The following ARHGAP31 variants were observed in gnomAD, a reference collection of about 807,000 sequenced individuals.
ARHGAP31 encodes the protein rho GTPase-activating protein 31.
A neutral mutation model predicts 113.9 loss-of-function variants in ARHGAP31; 34 were observed. The ratio of observed to expected loss-of-function variants is 0.30; its 90% CI spans 0.23 to 0.40. ARHGAP31 has a LOEUF of 0.40. Among genes scored for constraint, ARHGAP31 ranks in the 10% least tolerant of loss-of-function variants. The pLI, the probability that ARHGAP31 is intolerant of heterozygous loss-of-function variation, is 1.00. For missense variants in ARHGAP31, 1,548 were observed against 1,767.1 expected, an observed-to-expected ratio of 0.88 and a Z score of 2.22; for synonymous variants, 650 against 684.8, an observed-to-expected ratio of 0.95 and a Z score of 0.79.
At position 119,416,165 on chromosome 3, in the gene ARHGAP31, T is replaced by C; in HGVS notation, c.4236T>C (p.Pro1412=). 8 of 1,614,158 alleles carry C rather than the reference T, an allele frequency of 5.0e-6. No individual in the cohort carries two copies. The highest frequency in any genetic ancestry group is 1.3e-5 in the African/African-American group (1 of 75,040). ...GVTLRNKMTI[P]KNGQRLETST... ...CACTTAGGAATAAAATGACCATCCC[T>C]AAGAATGGCCAGAGACTAGAGACCT... The change falls in exon 12 of 12, where the codon CCT becomes CCC. Residue 1412 remains proline, a synonymous_variant. Transcript: ENST00000264245.
At chr3:119,314,086 G>A (rs1003832098) in intron 1 of ARHGAP31, among the ~76,000 whole-genome samples, 1 of 152,098 alleles carries the variant, frequency 6.6e-6, no homozygotes, top group Non-Finnish European at 1.5e-5. Context: ...CACATCTCCC[G>A]ACCAGAGCAT....
chr3:119,352,882 A>G (rs183952530), intron 1 of ARHGAP31, among the ~76,000 whole-genome samples: 2 of 152,284 alleles, frequency 1.3e-5, no homozygotes, highest in East Asian at 3.9e-4. Context: ...TTTCTCTTCC[A>G]CTGGACTGGT....
At position 119,409,573 on chromosome 3, in the gene ARHGAP31, G is replaced by T; in HGVS notation, c.1723G>T (p.Gly575Cys). The T allele has an allele frequency of 6.2e-7, 1 of 1,614,212 alleles. No homozygotes were observed. The highest frequency in any genetic ancestry group is 8.5e-7 in the Non-Finnish European group (1 of 1,180,024). ...EAPGTVECSK[G>C]LSQEPGAHLE... ...ACCGGGGACAGTGGAATGCAGCAAA[G>T]GCCTGTCCCAGGAGCCAGGCGCCCA... is the stretch of plus-strand genomic sequence containing the variant. The change falls in exon 11 of 12, where the codon GGC becomes TGC. Residue 575 changes from glycine to cysteine, a missense_variant. Transcript: ENST00000264245.
rs1021129501 is a variant in ARHGAP31 at position 119,393,460 on chromosome 3, C to A, written c.882-7C>A. Reference sequence around the variant, plus strand: ...CAAACTAACCCCTTATGCCTTGGTTCTTTTAGGCGAAAGCTCTCCAGTAAA... The same window carrying A: ...CAAACTAACCCCTTATGCCTTGGTTATTTTAGGCGAAAGCTCTCCAGTAAA... On this transcript the variant is annotated splice_region_variant and splice_polypyrimidine_tract_variant and intron_variant, in intron 7 of 11. Transcript: ENST00000264245. 3 of 1,614,044 alleles carry A rather than the reference C, an allele frequency of 1.9e-6. No individual in the cohort carries two copies. The highest frequency in any genetic ancestry group is 2.5e-6 in the Non-Finnish European group (3 of 1,179,968).
rs76883436 is a variant in ARHGAP31, at chr3:119,390,921, G to T, written c.819G>T (p.Leu273=). ...GCAAGGAAAGGAGGGAGAACAGCCT[G>T]CCTGAGATTGTCCCTCCCATGGGCA... The part of the protein sequence containing the change: ...PARKERRENS[L]PEIVPPMGTL... The change falls in exon 7 of 12, where the codon CTG becomes CTT. Residue 273 remains leucine (L), a synonymous_variant. Coordinates refer to ENST00000264245, the MANE Select transcript of ARHGAP31 (RefSeq NM_020754.4). 2.5e-6 allele frequency: 4 copies of T among 1,614,214 alleles called. No homozygotes were observed. The South Asian group carries it at 4.4e-5, about 18-fold the overall frequency.
Position 119,414,669 on chromosome 3 carries a change from G to A in ARHGAP31, c.2740G>A (p.Val914Met), listed in dbSNP as rs748850685. 1 of 1,614,230 alleles carries A rather than the reference G, an allele frequency of 6.2e-7. No homozygotes were observed. Among genetic ancestry groups the A allele is most frequent in the East Asian group, 2.2e-5 (1 of 44,862 alleles). ...GGAGCCCTGGGAGGAACCCCAGTGG[G>A]TGACGAGTCCCCTTCACTCTCCCAC... is the stretch of plus-strand genomic sequence containing the variant. Reference protein sequence around the residue: ...MVEPWEEPQWVTSPLHSPTLK... With the variant: ...MVEPWEEPQWMTSPLHSPTLK... The change falls in exon 12 of 12, where the codon GTG becomes ATG. Residue 914 changes from valine (V) to methionine (M), a missense_variant. By Grantham distance (21) the Val-to-Met change is conservative. Transcript: ENST00000264245.
intron 1 of ARHGAP31, among the ~76,000 whole-genome samples, chr3:119,309,153 T>C (rs892835170): frequency 6.6e-6 from 1 of 152,172 alleles, no homozygotes; most frequent in Non-Finnish European, 1.5e-5. Context: ...ATTAATCCAA[T>C]TTGGTACACT....
In ARHGAP31 at chr3:119,416,205, T is replaced by C; in HGVS notation, c.4276T>C (p.Tyr1426His). 1 of 1,614,222 alleles carries C rather than the reference T, an allele frequency of 6.2e-7. No individual in the cohort carries two copies. The highest frequency in any genetic ancestry group is 2.2e-5 in the East Asian group (1 of 44,888). ...ACTAGAGACCTCAACCAGCTGTTTTTACCAGCCTCAGCGGAGATCAGTAAT... is the reference window on the plus strand; with the variant it reads ...ACTAGAGACCTCAACCAGCTGTTTTCACCAGCCTCAGCGGAGATCAGTAAT... ...QRLETSTSCF[Y>H]QPQRRSVILD... Residue 1426 changes from tyrosine to histidine, a missense_variant, in exon 12 of 12, where the codon TAC becomes CAC. By Grantham distance (83) the Tyr-to-His change is moderately conservative. Transcript: ENST00000264245.
chr3:119,310,541 C>T (rs889030404), intron 1 of ARHGAP31, among the ~76,000 whole-genome samples: 1 of 152,200 alleles, frequency 6.6e-6, no homozygotes, highest in African/African-American at 2.4e-5. Flanking sequence ...CCTGTCAGAT[C>T]AGCAGCATTT....
In ARHGAP31 at chr3:119,387,111, A is replaced by AC. The variant is rs35480416; in HGVS notation, c.683-3668dup. On this transcript the variant is annotated intron_variant, in intron 6 of 11. Transcript: ENST00000264245. Reference sequence around the variant, plus strand: ...TCTAAACTCCCCCGGGGAAAGGGAGACCCCCCTTTCCCGGTCTGCTAAGTA... The same window carrying AC: ...TCTAAACTCCCCCGGGGAAAGGGAGACCCCCCCTTTCCCGGTCTGCTAAGTA... Among the ~76,000 whole-genome samples, 389 of 151,424 alleles carry AC rather than the reference A, an allele frequency of 2.6e-3. 4 individuals are homozygous for AC. Among genetic ancestry groups the AC allele is most frequent in the South Asian group, 0.01 (49 of 4,778 alleles).
intron 11 of ARHGAP31, among the ~76,000 whole-genome samples, chr3:119,409,982 C>T (rs2080701998): frequency 6.6e-6 from 1 of 152,176 alleles, no homozygotes; most frequent in South Asian, 2.1e-4. Flanking sequence ...GGGGAGGAAA[C>T]ATCCTGTTCA....
At chr3:119,362,348 C>G (rs1002012406) in intron 1 of ARHGAP31, among the ~76,000 whole-genome samples, 1 of 152,212 alleles carries the variant, frequency 6.6e-6, no homozygotes. Context: ...AACCCAGACA[C>G]TGTTAGATCC....
At position 119,417,648 on chromosome 3, in the gene ARHGAP31, GCACT is replaced by G. The variant is rs201595453; in HGVS notation, c.*1391_*1394del. On this transcript the variant is annotated 3_prime_UTR_variant, in exon 12 of 12. Coordinates refer to ENST00000264245, the MANE Select transcript of ARHGAP31 (RefSeq NM_020754.4). Reference sequence around the variant, plus strand: ...TCCCCTCATCCACCGCCCACTCCAGGCACTCACTCAAACTTGCTCTTCAACTCTG... The same window carrying G: ...TCCCCTCATCCACCGCCCACTCCAGGCACTCAAACTTGCTCTTCAACTCTG... 0.017 allele frequency: 2,550 copies of G among 151,870 alleles called. 28 individuals are homozygous for G. Among genetic ancestry groups the G allele is most frequent in the Middle Eastern group, 0.071 (21 of 296 alleles). The allele number at this position is 151,870 out of a possible 1,614,324, so 9.4% of individuals were successfully genotyped here. A position where few individuals can be genotyped will look rare whatever the true frequency, so the allele number is the denominator to read the frequency against.
chr3:119,323,240 C>G lies in ARHGAP31; in HGVS notation c.100+28236C>G, dbSNP rs2079809074. Reference sequence around the variant, plus strand: ...ACGGCTGAGTCACTTGGCGCCCGCCCGCGCGGCCACCGAGCCCAGAAGCGG... The same window carrying G: ...ACGGCTGAGTCACTTGGCGCCCGCCGGCGCGGCCACCGAGCCCAGAAGCGG... On this transcript the variant is annotated intron_variant, in intron 1 of 11. Transcript: ENST00000264245. Among the ~76,000 whole-genome samples, 4 of 152,190 alleles carry G rather than the reference C, an allele frequency of 2.6e-5. No individual in the cohort carries two copies. In the South Asian group the frequency reaches 8.3e-4, roughly 32 times the overall value.
At chr3:119,359,446 GT>G (rs201107704) in intron 1 of ARHGAP31, among the ~76,000 whole-genome samples, 4,282 of 145,350 alleles carry the variant, frequency 0.029, 192 homozygotes, top group African/African-American at 0.097. Context: ...TGGTTCATTT[GT>G]TTTTTTTTTT....
chr3:119,396,665 A>G (rs537386203), intron 8 of ARHGAP31, among the ~76,000 whole-genome samples: 8 of 152,372 alleles, frequency 5.3e-5, no homozygotes, highest in Non-Finnish European at 2.9e-5. Context: ...GCATGTGAAA[A>G]GGGGAACCAG....
At chr3:119,336,605 TC>T (rs1559971302) in intron 1 of ARHGAP31, among the ~76,000 whole-genome samples, 1 of 152,216 alleles carries the variant, frequency 6.6e-6, no homozygotes, top group East Asian at 1.9e-4. Context: ...TGGTCTAAGT[TC>T]TAAACAATTG....
chr3:119,297,084 A>C (rs991547639), intron 1 of ARHGAP31, among the ~76,000 whole-genome samples: 6 of 152,264 alleles, frequency 3.9e-5, no homozygotes, highest in African/African-American at 1.4e-4. Flanking sequence ...TTAATGATCC[A>C]CACACTGTTA....
chr3:119,390,984 G>A lies in ARHGAP31; in HGVS notation c.881+1G>A. The A allele has an allele frequency of 6.2e-7, 1 of 1,614,082 alleles. No individual in the cohort carries two copies. The highest frequency in any genetic ancestry group is 8.5e-7 in the Non-Finnish European group (1 of 1,179,950). On this transcript the variant is annotated splice_donor_variant, in intron 7 of 11. Coordinates refer to ENST00000264245, the MANE Select transcript of ARHGAP31 (RefSeq NM_020754.4). LOFTEE classifies it high-confidence loss of function. ...CTGTCCTTGAGTTACCAGACAACAA[G>A]TAAGTGGCACTCTTTTAAAAAATTC...
Sources: allele counts gnomAD v4.1 joint callset (sites outside exome capture counted in the v4.1 genomes callset), GRCh38; gene constraint gnomAD v4.1.1; transcripts MANE v1.5; gene names NCBI Gene and HGNC (gene_info 2026-07-23, HGNC 2026-07-21).